The following SLC12A9 variants were observed in gnomAD, a reference collection of about 807,000 sequenced individuals.
SLC12A9 encodes the protein CCC-interacting protein 1.
In SLC12A9, 55 loss-of-function variants were observed where a neutral mutation model predicts 66.0. That is an observed-to-expected ratio of 0.83 (90% confidence interval 0.67 to 1.04). The LOEUF is 1.04. Ranked by LOEUF, SLC12A9 falls within the 50% of genes least tolerant of loss-of-function variation. SLC12A9 has a pLI of 0.00. For synonymous variants in SLC12A9, 577 were observed against 569.0 expected, an observed-to-expected ratio of 1.01 and a Z score of -0.20; for missense variants, 1,061 against 1,241.9, an observed-to-expected ratio of 0.85 and a Z score of 2.19.
At chr7:100,855,307 A>G in intron 3 of SLC12A9, 1 of 263,338 alleles carries the variant, frequency 3.8e-6, no homozygotes, top group Non-Finnish European at 7.4e-6. Context: ...ATATTTGTAG[A>G]GATGGAATCT....
chr7:100,864,874 G>T (rs1814982049), intron 13 of SLC12A9, among the ~76,000 whole-genome samples: 1 of 152,208 alleles, frequency 6.6e-6, no homozygotes, highest in Admixed American at 6.5e-5. Context: ...CGGATACCAT[G>T]CAATGAACCA....
At chr7:100,851,450 GTCTCGT>G (rs1479311872), upstream of SLC12A9, among the ~76,000 whole-genome samples, 1 of 148,188 alleles carries the variant, frequency 6.7e-6, no homozygotes, top group Non-Finnish European at 1.5e-5. Context: ...TTGAGACAGA[GTCTCGT>G]TCTGTTGCCC....
chr7:100,856,277 C>T (rs888370447), intron 4 of SLC12A9: 4 of 163,142 alleles, frequency 2.5e-5, no homozygotes, highest in Non-Finnish European at 4.0e-5. Context: ...GTGTGATCTC[C>T]GCTCACTGCA....
intron 1 of SLC12A9, among the ~76,000 whole-genome samples, chr7:100,846,371 C>G (rs1053622897): frequency 1.3e-5 from 2 of 152,034 alleles, no homozygotes; most frequent in African/African-American, 4.8e-5. Flanking sequence ...TGGAGACCAT[C>G]CTGGCTAACA....
At chr7:100,833,969 G>C (rs1450073933) in intron 1 of SLC12A9, among the ~76,000 whole-genome samples, 3 of 141,570 alleles carry the variant, frequency 2.1e-5, no homozygotes, top group Non-Finnish European at 3.1e-5. Flanking sequence ...AAAGAAAGAA[G>C]GAAAAATTGA....
rs768581723 is a variant in SLC12A9, at chr7:100,861,296, G to A, written c.1343+34G>A. 1 of 1,613,790 alleles carries A rather than the reference G, an allele frequency of 6.2e-7. No homozygotes were observed. Among genetic ancestry groups the A allele is most frequent in the Non-Finnish European group, 8.5e-7 (1 of 1,179,706 alleles). On this transcript the variant is annotated intron_variant, in intron 10 of 13. Coordinates refer to ENST00000354161, the MANE Select transcript of SLC12A9 (RefSeq NM_020246.4). The surrounding 1 kb of genome is among the most constrained non-coding windows in gnomAD (Gnocchi z 5.3). ...CTCAGATCTGTGTCCCCAGAGAGAA[G>A]AAGGGAGGACTCGGGCTCAGGCGTG... is the stretch of plus-strand genomic sequence containing the variant.
At chr7:100,854,781 G>A (rs1562988914) in intron 3 of SLC12A9, 27 bp downstream of exon 3, 1 of 1,613,062 alleles carries the variant, frequency 6.2e-7, no homozygotes. Context: ...ATGGACTGGG[G>A]TCTGGCCTGT....
chr7:100,863,550 G>C (rs1333849232), intron 13 of SLC12A9, among the ~76,000 whole-genome samples: 1 of 152,222 alleles, frequency 6.6e-6, no homozygotes, highest in East Asian at 1.9e-4. Flanking sequence ...AGGTTTTGCG[G>C]AGAGATGGTA....
intron 3 of SLC12A9, 121 bp downstream of exon 3, chr7:100,854,875 T>A: frequency 7.1e-7 from 1 of 1,407,990 alleles, no homozygotes. Context: ...TTCTTAAAAT[T>A]TTTTTAGGCT....
upstream of SLC12A9, among the ~76,000 whole-genome samples, chr7:100,851,784 CAAAAAAA>C (rs66749400): frequency 2.4e-4 from 18 of 74,242 alleles, no homozygotes; most frequent in Non-Finnish European, 2.1e-4. Context: ...GTTCCTGGAT[CAAAAAAA>C]AAAAAAAAAA....
At chr7:100,847,502 T>C (rs912082651) in intron 1 of SLC12A9, among the ~76,000 whole-genome samples, 1 of 152,144 alleles carries the variant, frequency 6.6e-6, no homozygotes, top group African/African-American at 2.4e-5. Context: ...CAGCTGAGAA[T>C]AGATTTTGGG....
upstream of SLC12A9, among the ~76,000 whole-genome samples, chr7:100,851,038 G>T (rs1034828680): frequency 6.6e-6 from 1 of 151,400 alleles, no homozygotes; most frequent in Admixed American, 6.6e-5. Flanking sequence ...AAAAAATTTT[G>T]TAGAGATGAG....
intron 1 of SLC12A9, among the ~76,000 whole-genome samples, chr7:100,827,740 G>A (rs1417749945): frequency 6.6e-6 from 1 of 152,184 alleles, no homozygotes; most frequent in Non-Finnish European, 1.5e-5. Flanking sequence ...GAGGAACCCC[G>A]GGACCGCCCA....
At chr7:100,829,883 C>G (rs1813509304) in intron 1 of SLC12A9, among the ~76,000 whole-genome samples, 1 of 151,340 alleles carries the variant, frequency 6.6e-6, no homozygotes, top group Admixed American at 6.6e-5. Context: ...CAAAAATCAG[C>G]TGGGCATCAT....
chr7:100,861,620 G>C lies in SLC12A9; in HGVS notation c.1536+36G>C, dbSNP rs746114961. 6.2e-7 allele frequency: 1 copy of C among 1,608,220 alleles called. No homozygotes were observed. The highest frequency in any genetic ancestry group is 1.1e-5 in the South Asian group (1 of 90,948). ...CTGGTGGGGCGGTGGGGAAATGGGAGGTGGTCAAAGAACCCCCTCTCTCTT... is the reference window on the plus strand; with the variant it reads ...CTGGTGGGGCGGTGGGGAAATGGGACGTGGTCAAAGAACCCCCTCTCTCTT... On this transcript the variant is annotated intron_variant, in intron 11 of 13. Transcript: ENST00000354161. This position sits in a 1 kb window ranked among gnomAD's most constrained non-coding sequence, Gnocchi z 5.3.
intron 13 of SLC12A9, among the ~76,000 whole-genome samples, chr7:100,864,313 T>A (rs1193858345): frequency 6.6e-6 from 1 of 152,120 alleles, no homozygotes; most frequent in Admixed American, 6.5e-5. Flanking sequence ...ACTTCCAACC[T>A]CAGGTGATCC....
At chr7:100,862,265 C>A (rs1222363709) in intron 12 of SLC12A9, among the ~76,000 whole-genome samples, 1 of 151,792 alleles carries the variant, frequency 6.6e-6, no homozygotes. Context: ...AACCCCTCCC[C>A]CGCTTTTTTT....
At chr7:100,846,295 G>C (rs562966817) in intron 1 of SLC12A9, among the ~76,000 whole-genome samples, 1 of 152,304 alleles carries the variant, frequency 6.6e-6, no homozygotes, top group East Asian at 1.9e-4. Flanking sequence ...GGCCGGGCGC[G>C]GTGGCTCACG....
At chr7:100,859,293 G>C in intron 7 of SLC12A9, 132 bp downstream of exon 7, 1 of 817,446 alleles carries the variant, frequency 1.2e-6, no homozygotes, top group Non-Finnish European at 2.0e-6. Context: ...ACCGGCGATT[G>C]ACAACCTATA....
Sources: allele counts gnomAD v4.1 joint callset (sites outside exome capture counted in the v4.1 genomes callset), GRCh38; gene constraint gnomAD v4.1.1; non-coding constraint Gnocchi (gnomAD v3.1); transcripts MANE v1.5; gene names NCBI Gene and HGNC (gene_info 2026-07-23, HGNC 2026-07-21).